RALGAPA2: variants seen among roughly 807,000 people sequenced by gnomAD.
The protein encoded by RALGAPA2 is ral GTPase-activating protein subunit alpha-2.
RALGAPA2 carries 139 observed loss-of-function variants against 230.4 expected under a neutral mutation model. The observed-to-expected ratio is 0.60, with a 90% CI of 0.53 to 0.69. The LOEUF (loss-of-function observed/expected upper bound fraction) is 0.69. RALGAPA2 is among the 30% of genes least tolerant of loss of function. RALGAPA2 has a pLI of 0.00. For missense variants in RALGAPA2, 2,163 were observed against 2,276.0 expected, an observed-to-expected ratio of 0.95 and a Z score of 1.01; for synonymous variants, 847 against 837.8, an observed-to-expected ratio of 1.01 and a Z score of -0.19.
At chr20:20,511,729 G>T (rs2145341767) in intron 32 of RALGAPA2, among the ~76,000 whole-genome samples, 1 of 152,188 alleles carries the variant, frequency 6.6e-6, no homozygotes, top group South Asian at 2.1e-4. Flanking sequence ...CTTCCCATTG[G>T]ATTTAATCAT....
chr20:20,705,786 A>G (rs1386685938), intron 1 of RALGAPA2, among the ~76,000 whole-genome samples: 1 of 152,092 alleles, frequency 6.6e-6, no homozygotes, highest in Non-Finnish European at 1.5e-5. Context: ...CTCCTGCCTC[A>G]GCCTCCCGAG....
At position 20,508,252 on chromosome 20, in the gene RALGAPA2, T is replaced by C. The variant is rs140599786; in HGVS notation, c.4929-2718A>G. ...GCTGTGTCTGGCCTTATTAAAGCCATGCTTTTGAAATGATAATTAGCAACA... is the reference window on the plus strand; with the variant it reads ...GCTGTGTCTGGCCTTATTAAAGCCACGCTTTTGAAATGATAATTAGCAACA... On this transcript the variant is annotated intron_variant, in intron 33 of 39. Coordinates refer to ENST00000202677, the MANE Select transcript of RALGAPA2 (RefSeq NM_020343.4). 1.2e-3 allele frequency among the ~76,000 whole-genome samples: 180 copies of C among 152,330 alleles called. 1 individual carries two copies. Among genetic ancestry groups the C allele is most frequent in the African/African-American group, 4.0e-3 (168 of 41,574 alleles).
rs374975213 is a variant in RALGAPA2 at position 20,532,512 on chromosome 20, T to C, written c.3474-717A>G. Among the ~76,000 whole-genome samples, 159 of 152,200 alleles carry C rather than the reference T, an allele frequency of 1.0e-3. 1 individual carries two copies. Among genetic ancestry groups the C allele is most frequent in the African/African-American group, 3.6e-3 (150 of 41,522 alleles). ...TTTCTGAACTGAAAACCTGGGGGAA[T>C]GGTGGGGCCATGTGGTGAGATGAAA... On this transcript the variant is annotated intron_variant, in intron 26 of 39. Coordinates refer to ENST00000202677, the MANE Select transcript of RALGAPA2 (RefSeq NM_020343.4).
At chr20:20,529,510 T>C (rs1353335533) in intron 27 of RALGAPA2, among the ~76,000 whole-genome samples, 1 of 152,254 alleles carries the variant, frequency 6.6e-6, no homozygotes, top group Non-Finnish European at 1.5e-5. Context: ...AAATATGTTT[T>C]GGAAACATTT....
intron 20 of RALGAPA2, among the ~76,000 whole-genome samples, chr20:20,582,188 G>GTC (rs1346451978): frequency 6.6e-6 from 1 of 151,860 alleles, no homozygotes; most frequent in Non-Finnish European, 1.5e-5. Flanking sequence ...GTGTGTGTGT[G>GTC]TGTGTGTGTC....
chr20:20,474,688 T>C (rs1180970387), intron 36 of RALGAPA2, among the ~76,000 whole-genome samples: 1 of 152,138 alleles, frequency 6.6e-6, no homozygotes, highest in African/African-American at 2.4e-5. Flanking sequence ...GGCCTGGCCA[T>C]TGGAAGGCTG....
At chr20:20,425,074 T>C (rs1356858932) in intron 37 of RALGAPA2, among the ~76,000 whole-genome samples, 1 of 152,260 alleles carries the variant, frequency 6.6e-6, no homozygotes, top group Non-Finnish European at 1.5e-5. Flanking sequence ...GCCTACAGAA[T>C]AGTTCATATC....
intron 30 of RALGAPA2, among the ~76,000 whole-genome samples, chr20:20,522,913 A>G (rs1387396431): frequency 6.6e-6 from 1 of 152,224 alleles, no homozygotes; most frequent in Non-Finnish European, 1.5e-5. Context: ...ACAGGTTTAT[A>G]AACCACAAAA....
At position 20,531,734 on chromosome 20, in the gene RALGAPA2, G is replaced by C. The variant is rs201205382; in HGVS notation, c.3535C>G (p.His1179Asp). ...ICEELAQCTSHPQVKEAINVI... is the reference protein window; with the variant it reads ...ICEELAQCTSDPQVKEAINVI... ...TTGATGGCCTCTTTCACCTGAGGGTGGCTTGTACACTGTGCAAGCTCTTCA... is the reference window on the plus strand; with the variant it reads ...TTGATGGCCTCTTTCACCTGAGGGTCGCTTGTACACTGTGCAAGCTCTTCA... The change falls in exon 27 of 40, where the codon CAC (histidine) becomes GAC (aspartate). Residue 1179 changes from histidine (H) to aspartate (D), a missense_variant. Physicochemically the swap from His to Asp is moderately conservative, Grantham distance 81. Transcript: ENST00000202677. The C allele has an allele frequency of 1.3e-4, 210 of 1,609,096 alleles. 1 individual carries two copies. The highest frequency in any genetic ancestry group is 1.5e-4 in the Non-Finnish European group (177 of 1,177,688).
intron 9 of RALGAPA2, among the ~76,000 whole-genome samples, chr20:20,631,577 C>T (rs1006435619): frequency 2.6e-5 from 4 of 152,192 alleles, no homozygotes; most frequent in Non-Finnish European, 4.4e-5. Context: ...CAGGTGGCTT[C>T]TAGAAGCTGG....
intron 28 of RALGAPA2, 40 bp downstream of exon 28, chr20:20,526,212 G>T (rs375760947): frequency 2.1e-5 from 29 of 1,352,844 alleles, no homozygotes; most frequent in Non-Finnish European, 2.8e-5. Context: ...CAGTAAAAAG[G>T]AAATGCTTAT....
intron 30 of RALGAPA2, among the ~76,000 whole-genome samples, chr20:20,523,959 T>C (rs2063118173): frequency 6.6e-6 from 1 of 152,060 alleles, no homozygotes; most frequent in African/African-American, 2.4e-5. Context: ...CCTTAAGTTA[T>C]TTACTTTTTT....
chr20:20,619,343 C>G lies in RALGAPA2; in HGVS notation c.1473G>C (p.Met491Ile). The change falls in exon 12 of 40, where the codon ATG (methionine) becomes ATC (isoleucine). Residue 491 changes from methionine to isoleucine, a missense_variant. Met to Ile is a conservative substitution (Grantham distance 10). Coordinates refer to ENST00000202677, the MANE Select transcript of RALGAPA2 (RefSeq NM_020343.4). ...WGRTYSFTSA[M>I]SRGCVTEEEN... ...CCTCCTCTGTCACACACCCTCTGCTCATTGCACTTGTGAAGGAGTATGTGC... is the reference window on the plus strand; with the variant it reads ...CCTCCTCTGTCACACACCCTCTGCTGATTGCACTTGTGAAGGAGTATGTGC... 1 of 1,612,456 alleles carries G rather than the reference C, an allele frequency of 6.2e-7. No individual in the cohort carries two copies. The highest frequency in any genetic ancestry group is 1.1e-5 in the South Asian group (1 of 90,820).
chr20:20,603,752 C>T (rs961637873), intron 15 of RALGAPA2, among the ~76,000 whole-genome samples: 2 of 152,164 alleles, frequency 1.3e-5, no homozygotes, highest in African/African-American at 4.8e-5. Flanking sequence ...TGGCTGAGTC[C>T]AACCCAAATT....
chr20:20,571,962 G>C lies in RALGAPA2; in HGVS notation c.2902-16C>G. ...TATCCCGTATCTAATTCACAAAGAG[G>C]AGAATTTTAGGGTAGGTAACATTAC... On this transcript the variant is annotated splice_polypyrimidine_tract_variant and intron_variant, in intron 21 of 39. Transcript: ENST00000202677. 6.5e-7 allele frequency: 1 copy of C among 1,546,894 alleles called. No individual in the cohort carries two copies. The highest frequency in any genetic ancestry group is 8.9e-7 in the Non-Finnish European group (1 of 1,126,666).
chr20:20,592,130 G>A (rs888352823), intron 16 of RALGAPA2, among the ~76,000 whole-genome samples: 2 of 152,084 alleles, frequency 1.3e-5, no homozygotes, highest in Non-Finnish European at 2.9e-5. Context: ...TTAATAGCCT[G>A]CAAACTAATC....
intron 31 of RALGAPA2, among the ~76,000 whole-genome samples, chr20:20,517,130 T>A (rs1368835800): frequency 6.6e-6 from 1 of 152,156 alleles, no homozygotes; most frequent in African/African-American, 2.4e-5. Flanking sequence ...CCTGGAACAA[T>A]TCACGGTGGC....
rs1392631954 is a variant in RALGAPA2, at chr20:20,644,542, C to T, written c.329-993G>A. 2.6e-5 allele frequency among the ~76,000 whole-genome samples: 4 copies of T among 152,278 alleles called. No individual in the cohort carries two copies. In the South Asian group the frequency reaches 6.2e-4, roughly 24 times the overall value. ...AAAAATCACTGGCAATCCGAAGGAA[C>T]CTTTTAGAACGATTCTACTGTTCAT... On this transcript the variant is annotated intron_variant, in intron 4 of 39. Coordinates refer to ENST00000202677, the MANE Select transcript of RALGAPA2 (RefSeq NM_020343.4).
At chr20:20,590,575 T>C (rs1280767543) in intron 17 of RALGAPA2, among the ~76,000 whole-genome samples, 2 of 152,254 alleles carry the variant, frequency 1.3e-5, no homozygotes, top group Non-Finnish European at 2.9e-5. Flanking sequence ...CACTCTTTCA[T>C]TGAGAAATCT....
Sources: gnomAD v4.1 joint callset for allele counts (sites outside exome capture counted in the v4.1 genomes callset) on GRCh38, gnomAD v4.1.1 for gene constraint, MANE v1.5 for transcripts, NCBI Gene and HGNC (gene_info 2026-07-23, HGNC 2026-07-21) for gene names.